The following GPHN variants were observed in gnomAD, a reference collection of about 807,000 sequenced individuals.
The protein encoded by GPHN is gephyrin.
GPHN carries 17 observed loss-of-function variants against 95.5 expected under a neutral mutation model. The observed-to-expected ratio is 0.18, with a 90% CI of 0.12 to 0.27. The LOEUF is 0.27. GPHN is among the 10% of genes least tolerant of loss of function. GPHN has a pLI of 1.00. For missense variants in GPHN, 660 were observed against 978.1 expected, an observed-to-expected ratio of 0.67 and a Z score of 4.34; for synonymous variants, 320 against 322.5, an observed-to-expected ratio of 0.99 and a Z score of 0.08.
At chr14:66,521,536 G>A (rs1053744281) in intron 1 of GPHN, among the ~76,000 whole-genome samples, 38 of 152,090 alleles carry the variant, frequency 2.5e-4, no homozygotes, top group African/African-American at 7.0e-4. Context: ...TCTGGAGGCC[G>A]GGAAGTCAAA....
the GPHN span, among the ~76,000 whole-genome samples, chr14:67,315,848 C>T: frequency 6.6e-6 from 1 of 152,340 alleles, no homozygotes; most frequent in African/African-American, 2.4e-5. Flanking sequence ...TCCCTTGAAC[C>T]TGGAAGGCGG....
intron 9 of GPHN, among the ~76,000 whole-genome samples, chr14:66,982,895 A>G (rs1186931931): frequency 6.6e-6 from 1 of 152,216 alleles, no homozygotes; most frequent in Non-Finnish European, 1.5e-5. Context: ...TAGTAAAGTC[A>G]TTCATCTTAT....
At chr14:67,699,949 G>T in the GPHN span, among the ~76,000 whole-genome samples, 1 of 152,022 alleles carries the variant, frequency 6.6e-6, no homozygotes, top group Non-Finnish European at 1.5e-5. Context: ...AGACCATCCT[G>T]GCCAACATGG....
At chr14:67,500,342 C>T in the GPHN span, among the ~76,000 whole-genome samples, 16 of 151,618 alleles carry the variant, frequency 1.1e-4, no homozygotes, top group African/African-American at 2.9e-4. Context: ...GGCATGGTGG[C>T]GGGCGCCTGT....
the GPHN span, among the ~76,000 whole-genome samples, chr14:67,411,350 G>A: frequency 3.9e-5 from 6 of 152,030 alleles, no homozygotes; most frequent in Admixed American, 3.9e-4. Flanking sequence ...TACTGGCTCT[G>A]GAGCTCTGGG....
At chr14:67,600,917 C>A in the GPHN span, among the ~76,000 whole-genome samples, 2 of 152,162 alleles carry the variant, frequency 1.3e-5, no homozygotes, top group Admixed American at 1.3e-4. Flanking sequence ...CTTGGCAAGC[C>A]GATTTCTCTA....
intron 3 of GPHN, among the ~76,000 whole-genome samples, chr14:66,778,960 T>C (rs2059503040): frequency 1.3e-5 from 2 of 151,948 alleles, no homozygotes; most frequent in Admixed American, 1.3e-4. Context: ...GCCAGGCTGG[T>C]CTTGAACCCC....
chr14:66,731,147 C>A (rs1165458249), intron 2 of GPHN, among the ~76,000 whole-genome samples: 3 of 152,176 alleles, frequency 2.0e-5, no homozygotes, highest in Admixed American at 6.5e-5. Context: ...GTCAATTAAA[C>A]CTCTTTTCTT....
At chr14:67,275,921 G>A in the GPHN span, among the ~76,000 whole-genome samples, 1 of 152,182 alleles carries the variant, frequency 6.6e-6, no homozygotes, top group African/African-American at 2.4e-5. Flanking sequence ...GGTGTTTACA[G>A]TGTTCTCTGA....
At chr14:67,674,467 G>A in the GPHN span, 2 of 1,607,666 alleles carry the variant, frequency 1.2e-6, no homozygotes, top group Non-Finnish European at 1.7e-6. Flanking sequence ...GAAATGCTCC[G>A]AGGAGGCGGC....
chr14:66,593,313 A>G (rs1171807971), intron 1 of GPHN, among the ~76,000 whole-genome samples: 1 of 152,058 alleles, frequency 6.6e-6, no homozygotes, highest in Non-Finnish European at 1.5e-5. Flanking sequence ...AAAAAAAAAA[A>G]AACAAACAAC....
chr14:67,301,781 G>A, the GPHN span, among the ~76,000 whole-genome samples: 1 of 152,086 alleles, frequency 6.6e-6, no homozygotes, highest in South Asian at 2.1e-4. Context: ...AGTTTAGTAA[G>A]CATTTTAGAC....
At chr14:67,678,792 T>C in the GPHN span, among the ~76,000 whole-genome samples, 1 of 151,908 alleles carries the variant, frequency 6.6e-6, no homozygotes, top group East Asian at 1.9e-4. Context: ...CAATGTCATA[T>C]AGCTGAGATC....
At chr14:67,311,975 G>A in the GPHN span, 1 of 152,608 alleles carries the variant, frequency 6.6e-6, no homozygotes, top group African/African-American at 2.4e-5. Flanking sequence ...CCCCAGGGAA[G>A]CTCATATTTA....
chr14:67,053,239 A>G (rs1240382331), intron 10 of GPHN, among the ~76,000 whole-genome samples: 1 of 150,698 alleles, frequency 6.6e-6, no homozygotes, highest in Non-Finnish European at 1.5e-5. Context: ...ATAAGGAAAG[A>G]GAGAAGAATC....
the GPHN span, among the ~76,000 whole-genome samples, chr14:67,282,564 T>C: frequency 6.6e-6 from 1 of 152,140 alleles, no homozygotes; most frequent in Non-Finnish European, 1.5e-5. Flanking sequence ...AGGGATGGAA[T>C]TGATAGAAAA....
rs139847341 is a variant in GPHN, at chr14:67,119,767, G to A, written c.1627-2489G>A. Among the ~76,000 whole-genome samples the A allele has an allele frequency of 2.6e-4, 39 of 152,252 alleles. No homozygotes were observed. In the East Asian group the frequency reaches 7.3e-3, roughly 29 times the overall value. ...ATCACGCCATTGCACTCCAGCCTGG[G>A]CAACAAGAGCTTGATGCTGTCTCAA... is the stretch of plus-strand genomic sequence containing the variant. On this transcript the variant is annotated intron_variant, in intron 16 of 22. Coordinates refer to ENST00000478722, the MANE Select transcript of GPHN (RefSeq NM_020806.5).
At chr14:66,557,192 G>A (rs965981526) in intron 1 of GPHN, among the ~76,000 whole-genome samples, 2 of 151,796 alleles carry the variant, frequency 1.3e-5, no homozygotes, top group Admixed American at 6.6e-5. Context: ...GGGCAACAAA[G>A]CATGACCCTG....
intron 4 of GPHN, among the ~76,000 whole-genome samples, chr14:66,871,251 A>T (rs1596222177): frequency 1.3e-5 from 2 of 152,178 alleles, no homozygotes; most frequent in African/African-American, 4.8e-5. Context: ...TTGAAGTATC[A>T]ATTTTAAGTG....
Sources: gnomAD v4.1 joint callset for allele counts (sites outside exome capture counted in the v4.1 genomes callset) on GRCh38, gnomAD v4.1.1 for gene constraint, MANE v1.5 for transcripts, NCBI Gene and HGNC (gene_info 2026-07-23, HGNC 2026-07-21) for gene names.